Variants in COL25A1 observed in about 807,000 individuals in gnomAD.
COL25A1 encodes the protein collagen type XXV alpha 1 chain.
A neutral mutation model predicts 128.4 loss-of-function variants in COL25A1; 103 were observed. The observed-to-expected ratio is 0.80, with a 90% CI of 0.68 to 0.94. The LOEUF is 0.94. Among genes scored for constraint, COL25A1 ranks in the 40% least tolerant of loss-of-function variants. The pLI, the probability that COL25A1 is intolerant of heterozygous loss-of-function variation, is 0.00. For synonymous variants in COL25A1, 279 were observed against 277.2 expected (o/e 1.01, Z -0.06); for missense variants, 745 against 840.0 (o/e 0.89, Z 1.40).
At chr4:109,017,280 A>G (rs1338203304) in intron 5 of COL25A1, among the ~76,000 whole-genome samples, 1 of 151,806 alleles carries the variant, frequency 6.6e-6, no homozygotes, top group Non-Finnish European at 1.5e-5. Flanking sequence ...TCACTCACAC[A>G]CCCCTCATCA....
At chr4:108,966,944 GGAAA>G (rs1427459692) in intron 8 of COL25A1, among the ~76,000 whole-genome samples, 3 of 141,626 alleles carry the variant, frequency 2.1e-5, no homozygotes, top group Non-Finnish European at 4.7e-5. Context: ...AAGAAAGAGA[GGAAA>G]GAAAGAAAAA....
At chr4:108,962,884 A>G (rs1750884537) in intron 8 of COL25A1, among the ~76,000 whole-genome samples, 1 of 152,156 alleles carries the variant, frequency 6.6e-6, no homozygotes, top group South Asian at 2.1e-4. Flanking sequence ...TCACTCCCCC[A>G]AAGTCACTGT....
At chr4:109,219,659 C>T (rs1250402190) in intron 3 of COL25A1, among the ~76,000 whole-genome samples, 1 of 152,144 alleles carries the variant, frequency 6.6e-6, no homozygotes, top group Non-Finnish European at 1.5e-5. Flanking sequence ...TTTCCATAAA[C>T]TTAACAGGAA....
intron 13 of COL25A1, among the ~76,000 whole-genome samples, chr4:108,910,948 G>GTC (rs1744136710): frequency 6.6e-6 from 1 of 152,178 alleles, no homozygotes; most frequent in Non-Finnish European, 1.5e-5. Context: ...CACTGATGCT[G>GTC]TCTCACAGTT....
intron 13 of COL25A1, among the ~76,000 whole-genome samples, chr4:108,911,274 A>G (rs2125883662): frequency 6.6e-6 from 1 of 152,286 alleles, no homozygotes; most frequent in South Asian, 2.1e-4. Flanking sequence ...AATTGTAAGC[A>G]TTGCAACATG....
At chr4:109,115,112 A>G (rs1767410615) in intron 3 of COL25A1, among the ~76,000 whole-genome samples, 1 of 152,114 alleles carries the variant, frequency 6.6e-6, no homozygotes, top group African/African-American at 2.4e-5. Flanking sequence ...TCACATATTG[A>G]ATAAGAGTCA....
At chr4:109,117,614 T>A (rs1159184727) in intron 3 of COL25A1, among the ~76,000 whole-genome samples, 1 of 152,098 alleles carries the variant, frequency 6.6e-6, no homozygotes, top group African/African-American at 2.4e-5. Flanking sequence ...GTTATTTCCC[T>A]TATTCTTAGT....
chr4:109,036,802 G>C (rs1386798273), intron 5 of COL25A1, among the ~76,000 whole-genome samples: 1 of 152,172 alleles, frequency 6.6e-6, no homozygotes, highest in Non-Finnish European at 1.5e-5. Flanking sequence ...AAATTATCCA[G>C]CATGCCTGCA....
At chr4:108,869,036 GAAAAGAAAGAAAGA>G (rs1183990178) in intron 20 of COL25A1, 38 bp downstream of exon 20, 50 of 1,099,798 alleles carry the variant, frequency 4.5e-5, no homozygotes, top group Admixed American at 8.1e-5. Flanking sequence ...AAGGAAGGAA[GAAAAGAAAGAAAGA>G]AAAAGAAAGA....
intron 3 of COL25A1, among the ~76,000 whole-genome samples, chr4:109,077,415 T>C (rs1763469320): frequency 6.6e-6 from 1 of 152,040 alleles, no homozygotes; most frequent in African/African-American, 2.4e-5. Flanking sequence ...CTTCCATCTA[T>C]TGCCTCTTCC....
chr4:108,896,244 G>A (rs926851270), intron 16 of COL25A1, among the ~76,000 whole-genome samples: 3 of 151,826 alleles, frequency 2.0e-5, no homozygotes, highest in South Asian at 4.2e-4. Flanking sequence ...CACTGTGCCC[G>A]GCCTCAAACT....
intron 3 of COL25A1, among the ~76,000 whole-genome samples, chr4:109,106,547 G>C (rs1766450355): frequency 6.6e-6 from 1 of 151,858 alleles, no homozygotes; most frequent in African/African-American, 2.4e-5. Flanking sequence ...GAGGTATTCA[G>C]CTATCTCAGA....
intron 8 of COL25A1, among the ~76,000 whole-genome samples, chr4:108,963,793 A>G (rs1376866320): frequency 6.6e-6 from 1 of 151,742 alleles, no homozygotes; most frequent in Non-Finnish European, 1.5e-5. Flanking sequence ...AAATGGAATA[A>G]TATTAAATAT....
intron 3 of COL25A1, among the ~76,000 whole-genome samples, chr4:109,058,655 T>C (rs1367785373): frequency 1.3e-5 from 2 of 152,212 alleles, no homozygotes; most frequent in African/African-American, 2.4e-5. Context: ...AAAAGTGGGC[T>C]AATAGAAACT....
At chr4:108,840,086 A>T (rs887712095) in intron 31 of COL25A1, among the ~76,000 whole-genome samples, 5 of 151,876 alleles carry the variant, frequency 3.3e-5, no homozygotes, top group Non-Finnish European at 5.9e-5. Flanking sequence ...TACTAAAAAT[A>T]CAAAAATTAG....
At chr4:108,882,900 T>C (rs1392494736) in intron 19 of COL25A1, among the ~76,000 whole-genome samples, 1 of 152,130 alleles carries the variant, frequency 6.6e-6, no homozygotes, top group Non-Finnish European at 1.5e-5. Context: ...TCATAAAATA[T>C]TATACATATT....
At chr4:108,865,361 G>A (rs1302057820) in intron 20 of COL25A1, among the ~76,000 whole-genome samples, 1 of 152,140 alleles carries the variant, frequency 6.6e-6, no homozygotes, top group Non-Finnish European at 1.5e-5. Flanking sequence ...GGTTTTATAG[G>A]GGAGGTGGGA....
At chr4:108,911,025 G>T (rs916806892) in intron 13 of COL25A1, among the ~76,000 whole-genome samples, 1 of 152,048 alleles carries the variant, frequency 6.6e-6, no homozygotes, top group Non-Finnish European at 1.5e-5. Context: ...GATTTCACCC[G>T]TTATGGTTTT....
At chr4:108,984,846 G>A (rs1753497613) in intron 6 of COL25A1, among the ~76,000 whole-genome samples, 1 of 152,258 alleles carries the variant, frequency 6.6e-6, no homozygotes, top group African/African-American at 2.4e-5. Flanking sequence ...CGCCAAAGTG[G>A]GAGCCCAGGC....
Sources: gnomAD v4.1 joint callset for allele counts (sites outside exome capture counted in the v4.1 genomes callset) on GRCh38, gnomAD v4.1.1 for gene constraint, MANE v1.5 for transcripts, NCBI Gene and HGNC (gene_info 2026-07-23, HGNC 2026-07-21) for gene names.